Variants in XPOT observed in about 807,000 individuals in gnomAD.
The protein encoded by XPOT is exportin-T.
A neutral mutation model predicts 128.2 loss-of-function variants in XPOT; 34 were observed. That is an observed-to-expected ratio of 0.27 (90% confidence interval 0.20 to 0.35). XPOT has a LOEUF of 0.35. XPOT is among the 10% of genes least tolerant of loss of function. XPOT has a pLI of 1.00. For synonymous variants in XPOT, 348 were observed against 394.3 expected, an observed-to-expected ratio of 0.88 and a Z score of 1.39; for missense variants, 838 against 1,125.3, an observed-to-expected ratio of 0.74 and a Z score of 3.65.
intron 2 of XPOT, among the ~76,000 whole-genome samples, chr12:64,411,287 G>C (rs1220935160): frequency 4.6e-5 from 7 of 152,104 alleles, no homozygotes; most frequent in Admixed American, 4.6e-4. Context: ...TTTACCTTTA[G>C]TCTAGCTTGG....
At chr12:64,408,758 C>T (rs1014556714) in intron 1 of XPOT, among the ~76,000 whole-genome samples, 4 of 152,250 alleles carry the variant, frequency 2.6e-5, no homozygotes, top group Admixed American at 2.6e-4. Flanking sequence ...ACTACAACCT[C>T]TGCCTCCTGG....
chr12:64,438,552 G>T (rs2040300514), intron 22 of XPOT, among the ~76,000 whole-genome samples: 1 of 152,028 alleles, frequency 6.6e-6, no homozygotes, highest in Non-Finnish European at 1.5e-5. Flanking sequence ...TAAATCCTTT[G>T]ATTCAGAAGC....
chr12:64,439,657 G>C (rs532288095), intron 23 of XPOT, among the ~76,000 whole-genome samples: 1 of 152,224 alleles, frequency 6.6e-6, no homozygotes, highest in Admixed American at 6.5e-5. Flanking sequence ...GGCTTTTCCA[G>C]ACTGCTGAAG....
intron 2 of XPOT, among the ~76,000 whole-genome samples, chr12:64,411,417 G>C (rs1156846241): frequency 2.0e-5 from 3 of 151,936 alleles, no homozygotes; most frequent in African/African-American, 7.3e-5. Context: ...TCCAATTTTT[G>C]GATGAAAGAG....
chr12:64,415,612 C>A (rs1428181402), intron 3 of XPOT, among the ~76,000 whole-genome samples: 3 of 152,110 alleles, frequency 2.0e-5, no homozygotes, highest in African/African-American at 7.2e-5. Context: ...ATCTCCTGAC[C>A]TTGTGATCCG....
intron 11 of XPOT, among the ~76,000 whole-genome samples, chr12:64,423,764 C>T (rs1450862908): frequency 6.6e-6 from 1 of 152,062 alleles, no homozygotes; most frequent in Non-Finnish European, 1.5e-5. Flanking sequence ...CATTAACAGC[C>T]CTTTTACAAA....
In XPOT at chr12:64,431,876, T is replaced by C. The variant is rs572758272; in HGVS notation, c.2262+53T>C. On this transcript the variant is annotated intron_variant, in intron 18 of 24. Coordinates refer to ENST00000332707, the MANE Select transcript of XPOT (RefSeq NM_007235.6). ...ATCTCTTGAAGATCAGATGTATTTATCTTCAGACATGTTTCGGATTTTGCC... is the reference window on the plus strand; with the variant it reads ...ATCTCTTGAAGATCAGATGTATTTACCTTCAGACATGTTTCGGATTTTGCC... The C allele has an allele frequency of 3.2e-6, 5 of 1,551,082 alleles. No homozygotes were observed. In the South Asian group the frequency reaches 6.1e-5, roughly 19 times the overall value.
chr12:64,422,387 A>AAG (rs2040146693), intron 9 of XPOT, among the ~76,000 whole-genome samples: 1 of 152,172 alleles, frequency 6.6e-6, no homozygotes, highest in African/African-American at 2.4e-5. Flanking sequence ...AGGTATGATC[A>AAG]CTATTGGTAA....
chr12:64,434,375 T>G lies in XPOT; in HGVS notation c.2453-132T>G, dbSNP rs1007385012. 19 of 628,704 alleles carry G rather than the reference T, an allele frequency of 3.0e-5. No homozygotes were observed. In the Admixed American group the frequency reaches 3.3e-4, roughly 11 times the overall value. The allele number at this position is 628,704 out of a possible 1,614,324, so 38.9% of individuals were successfully genotyped here. A position where few individuals can be genotyped will look rare whatever the true frequency, so the allele number is the denominator to read the frequency against. On this transcript the variant is annotated intron_variant, in intron 19 of 24. Transcript: ENST00000332707. ...GGATTTTGGCAATTCTGTAAATGCT[T>G]TTTTCCCCCTTCATTTTTCCCATTC...
chr12:64,433,443 G>A lies in XPOT; in HGVS notation c.2292G>A (p.Met764Ile), dbSNP rs2040255729. ...AGGTATCCCCGTTTTTACAACAGAT[G>A]TTCATGCCCCTGCTTCATGCAATTT... The part of the protein sequence containing the change: ...KIQVSPFLQQ[M>I]FMPLLHAIFE... Residue 764 changes from methionine to isoleucine, a missense_variant, in exon 19 of 25, where the codon ATG (methionine) becomes ATA (isoleucine). Coordinates refer to ENST00000332707, the MANE Select transcript of XPOT (RefSeq NM_007235.6). The A allele has an allele frequency of 1.3e-6, 2 of 1,579,874 alleles. No homozygotes were observed. Among genetic ancestry groups the A allele is most frequent in the Non-Finnish European group, 1.7e-6 (2 of 1,159,390 alleles).
intron 15 of XPOT, among the ~76,000 whole-genome samples, chr12:64,426,310 A>AAAAAAG (rs796108387): frequency 0.012 from 1,862 of 151,196 alleles, 34 homozygotes; most frequent in African/African-American, 0.043. Flanking sequence ...AAAAAAAAAA[A>AAAAAAG]AAAGAAAAAG....
At position 64,433,423 on chromosome 12, in the gene XPOT, T is replaced by G. The variant is rs778051843; in HGVS notation, c.2272T>G (p.Ser758Ala). 1.3e-6 allele frequency: 2 copies of G among 1,553,996 alleles called. No homozygotes were observed. Among genetic ancestry groups the G allele is most frequent in the Middle Eastern group, 1.9e-4 (1 of 5,286 alleles). ...QITAKFKIQV[S>A]PFLQQMFMPL... ...GATTGTTTATCTTCAGATACAGGTA[T>G]CCCCGTTTTTACAACAGATGTTCAT... The change falls in exon 19 of 25, where the codon TCC becomes GCC. Residue 758 changes from serine (S) to alanine (A), a missense_variant. Transcript: ENST00000332707.
chr12:64,426,013 G>A, intron 15 of XPOT, 104 bp downstream of exon 15: 1 of 1,063,908 alleles, frequency 9.4e-7, no homozygotes, highest in Non-Finnish European at 1.4e-6. Context: ...CCCATCAGTG[G>A]TGGATTAGAT....
In XPOT at chr12:64,449,616, G is replaced by T. The variant is rs918424705; in HGVS notation, c.*1485G>T. ...AAATTTTGTACATTTATTTTGTTCCGGTTAATTCCAGAAGACATTTCAAAC... is the reference window on the plus strand; with the variant it reads ...AAATTTTGTACATTTATTTTGTTCCTGTTAATTCCAGAAGACATTTCAAAC... On this transcript the variant is annotated 3_prime_UTR_variant, in exon 25 of 25. Transcript: ENST00000332707. 1 of 151,948 alleles carries T rather than the reference G, an allele frequency of 6.6e-6. No homozygotes were observed. The highest frequency in any genetic ancestry group is 1.9e-4 in the East Asian group (1 of 5,188). The allele number at this position is 151,948 out of a possible 1,614,324, so 9.4% of individuals were successfully genotyped here. A position where few individuals can be genotyped will look rare whatever the true frequency, so the allele number is the denominator to read the frequency against.
At chr12:64,439,595 T>C (rs1341471743) in intron 23 of XPOT, among the ~76,000 whole-genome samples, 2 of 152,196 alleles carry the variant, frequency 1.3e-5, no homozygotes. Flanking sequence ...CGTAATCCCA[T>C]GTATTATGTT....
chr12:64,429,266 TTC>T (rs1045703269), intron 16 of XPOT, among the ~76,000 whole-genome samples: 1 of 152,146 alleles, frequency 6.6e-6, no homozygotes, highest in Non-Finnish European at 1.5e-5. Flanking sequence ...TATGTATTTG[TTC>T]TCTCAGAGCC....
At chr12:64,442,955 C>G (rs1410386938) in intron 23 of XPOT, 1 of 152,148 alleles carries the variant, frequency 6.6e-6, no homozygotes, top group African/African-American at 2.4e-5. Context: ...AAGCGATTCT[C>G]CTGCCTCAGC....
rs113818072 is a variant in XPOT at position 64,420,314 on chromosome 12, G to A, written c.675-39G>A. ...GTAAAATACAGTATCTAAAACTCAT[G>A]ACTTTGAAAATGTTACAATTTTATT... On this transcript the variant is annotated intron_variant, in intron 7 of 24. Coordinates refer to ENST00000332707, the MANE Select transcript of XPOT (RefSeq NM_007235.6). The A allele has an allele frequency of 1.8e-3, 2,861 of 1,601,386 alleles. 46 individuals carry two copies. The African/African-American group carries it at 0.035, about 19-fold the overall frequency.
chr12:64,448,246 A>G lies in XPOT; in HGVS notation c.*115A>G. 1.9e-6 allele frequency: 2 copies of G among 1,061,728 alleles called. No individual in the cohort carries two copies. Among genetic ancestry groups the G allele is most frequent in the Non-Finnish European group, 2.9e-6 (2 of 692,430 alleles). 65.8% of individuals were successfully genotyped at this position (1,061,728 alleles called of 1,614,324 possible). The stretch of plus-strand genomic sequence containing the variant: ...TTTCACATTGTTTTGAGCTTATTGC[A>G]GTATATGTTTTGGGATTTTTCTGTA... On this transcript the variant is annotated 3_prime_UTR_variant, in exon 25 of 25. Transcript: ENST00000332707.
Sources: gnomAD v4.1 joint callset for allele counts (sites outside exome capture counted in the v4.1 genomes callset) on GRCh38, gnomAD v4.1.1 for gene constraint, MANE v1.5 for transcripts, NCBI Gene and HGNC (gene_info 2026-07-23, HGNC 2026-07-21) for gene names.